The following CTNNA3 variants were observed in gnomAD, a reference collection of about 807,000 sequenced individuals.
The protein encoded by CTNNA3 is catenin alpha-3.
In CTNNA3, 76 loss-of-function variants were observed where a neutral mutation model predicts 95.7. The observed-to-expected ratio is 0.79, with a 90% CI of 0.66 to 0.96. The LOEUF (loss-of-function observed/expected upper bound fraction) is 0.96. Among genes scored for constraint, CTNNA3 ranks in the 40% least tolerant of loss-of-function variants. The probability of loss-of-function intolerance (pLI) is 0.00; values close to 1 mark genes in which losing one functional copy is unlikely to be tolerated. For synonymous variants in CTNNA3, 431 were observed against 374.4 expected, an observed-to-expected ratio of 1.15 and a Z score of -1.74; for missense variants, 1,191 against 1,089.8, an observed-to-expected ratio of 1.09 and a Z score of -1.31.
intron 11 of CTNNA3, among the ~76,000 whole-genome samples, chr10:66,477,777 G>A (rs1236501732): frequency 1.3e-5 from 2 of 152,008 alleles, no homozygotes; most frequent in African/African-American, 4.8e-5. Flanking sequence ...TAAAATATTT[G>A]TTAGATAAAT....
At chr10:66,580,303 T>A (rs1589447262) in intron 10 of CTNNA3, among the ~76,000 whole-genome samples, 1 of 151,868 alleles carries the variant, frequency 6.6e-6, no homozygotes, top group African/African-American at 2.4e-5. Flanking sequence ...TATGGCTACA[T>A]AATTGTACAT....
chr10:66,579,170 T>A (rs564801828), intron 10 of CTNNA3, among the ~76,000 whole-genome samples: 6 of 151,854 alleles, frequency 4.0e-5, no homozygotes, highest in Admixed American at 6.6e-5. Flanking sequence ...TTCTTTGAGA[T>A]CACCTGTAAA....
At chr10:66,988,815 T>C (rs889473897) in intron 7 of CTNNA3, among the ~76,000 whole-genome samples, 2 of 151,966 alleles carry the variant, frequency 1.3e-5, no homozygotes, top group Admixed American at 6.6e-5. Context: ...AATCAATAGA[T>C]CATTATAAAC....
chr10:67,066,020 T>C (rs1856052941), intron 7 of CTNNA3, among the ~76,000 whole-genome samples: 1 of 152,132 alleles, frequency 6.6e-6, no homozygotes, highest in Non-Finnish European at 1.5e-5. Context: ...GAAATAATAA[T>C]TGCTCATTTT....
chr10:67,725,657 G>C (rs1000674670), intron 1 of CTNNA3, among the ~76,000 whole-genome samples: 1 of 151,776 alleles, frequency 6.6e-6, no homozygotes, highest in Non-Finnish European at 1.5e-5. Flanking sequence ...AAAAAATAAA[G>C]AGATAGGGAT....
intron 5 of CTNNA3, among the ~76,000 whole-genome samples, chr10:67,292,240 TG>T (rs938100545): frequency 6.6e-6 from 1 of 152,268 alleles, no homozygotes; most frequent in Admixed American, 6.5e-5. Context: ...TTAGGTGTTA[TG>T]GGGGGCTTTA....
chr10:66,388,160 TG>T (rs1416454539), intron 11 of CTNNA3, among the ~76,000 whole-genome samples: 2 of 152,130 alleles, frequency 1.3e-5, no homozygotes, highest in African/African-American at 4.8e-5. Context: ...TAAAAACAAA[TG>T]CAACATATAT....
At chr10:67,338,881 T>G (rs1428250762) in intron 5 of CTNNA3, among the ~76,000 whole-genome samples, 1 of 152,218 alleles carries the variant, frequency 6.6e-6, no homozygotes, top group Non-Finnish European at 1.5e-5. Flanking sequence ...TGTTTCCATG[T>G]AACAAGCAAC....
chr10:66,852,990 A>C (rs1349373438), intron 7 of CTNNA3, among the ~76,000 whole-genome samples: 1 of 152,170 alleles, frequency 6.6e-6, no homozygotes, highest in Non-Finnish European at 1.5e-5. Context: ...TCAGCCAATT[A>C]TGTTTGACCA....
chr10:65,982,387 C>G (rs1391850588), intron 16 of CTNNA3, among the ~76,000 whole-genome samples: 1 of 151,200 alleles, frequency 6.6e-6, no homozygotes. Context: ...AAAGGGAACA[C>G]CTTTACACTG....
intron 7 of CTNNA3, among the ~76,000 whole-genome samples, chr10:66,989,748 A>G (rs911072850): frequency 2.0e-5 from 3 of 152,130 alleles, no homozygotes; most frequent in African/African-American, 7.2e-5. Flanking sequence ...TTCCTCAGAA[A>G]ATTCATTTTC....
rs75449715 is a variant in CTNNA3 at position 67,217,704 on chromosome 10, T to G, written c.843+1903A>C. 5.4e-4 allele frequency among the ~76,000 whole-genome samples: 83 copies of G among 152,300 alleles called. No homozygotes were observed. The East Asian group carries it at 0.014, about 25-fold the overall frequency. On this transcript the variant is annotated intron_variant, in intron 6 of 17. Coordinates refer to ENST00000433211, the MANE Select transcript of CTNNA3 (RefSeq NM_013266.4). ...AAGGAGGAACAATTTGGAAATGTCTTCTTCTTTAATCCTAAAATACAGAAT... is the reference window on the plus strand; with the variant it reads ...AAGGAGGAACAATTTGGAAATGTCTGCTTCTTTAATCCTAAAATACAGAAT...
chr10:65,978,586 C>T (rs1044009070), intron 16 of CTNNA3, among the ~76,000 whole-genome samples: 1 of 152,006 alleles, frequency 6.6e-6, no homozygotes, highest in African/African-American at 2.4e-5. Flanking sequence ...TAACATCCAG[C>T]TCTGTCATCA....
intron 7 of CTNNA3, among the ~76,000 whole-genome samples, chr10:66,786,355 T>C (rs1050773848): frequency 2.0e-5 from 3 of 152,160 alleles, no homozygotes; most frequent in African/African-American, 7.2e-5. Flanking sequence ...ATAACTTTTA[T>C]GTTCCCTTCA....
intron 13 of CTNNA3, among the ~76,000 whole-genome samples, chr10:66,187,509 T>C (rs1044302922): frequency 2.0e-5 from 3 of 151,422 alleles, no homozygotes; most frequent in African/African-American, 7.3e-5. Context: ...GTTGAGCTTC[T>C]GTGCAAGCAG....
intron 7 of CTNNA3, among the ~76,000 whole-genome samples, chr10:66,937,772 T>C (rs144611305): frequency 1.3e-5 from 2 of 152,240 alleles, no homozygotes; most frequent in East Asian, 1.9e-4. Context: ...GCAATTTCCT[T>C]TGTGAGAAAT....
intron 9 of CTNNA3, among the ~76,000 whole-genome samples, chr10:66,729,967 G>T (rs928224310): frequency 3.3e-5 from 5 of 151,884 alleles, no homozygotes; most frequent in African/African-American, 1.2e-4. Flanking sequence ...TTAGCCAGGC[G>T]TGGTGGCAGG....
chr10:66,869,371 C>T (rs1018621386), intron 7 of CTNNA3, among the ~76,000 whole-genome samples: 1 of 151,928 alleles, frequency 6.6e-6, no homozygotes, highest in African/African-American at 2.4e-5. Context: ...TCTTGTTTTT[C>T]AAGACCAGCC....
intron 13 of CTNNA3, among the ~76,000 whole-genome samples, chr10:66,138,643 GC>G: frequency 6.6e-6 from 1 of 152,252 alleles, no homozygotes; most frequent in East Asian, 1.9e-4. Flanking sequence ...AGCCTGGCCA[GC>G]ATGGTGAAAC....
Sources: gnomAD v4.1 joint callset for allele counts (sites outside exome capture counted in the v4.1 genomes callset) on GRCh38, gnomAD v4.1.1 for gene constraint, MANE v1.5 for transcripts, NCBI Gene and HGNC (gene_info 2026-07-23, HGNC 2026-07-21) for gene names.